CDK14: variants seen among roughly 807,000 people sequenced by gnomAD.
CDK14 encodes cyclin-dependent kinase 14.
A neutral mutation model predicts 60.7 loss-of-function variants in CDK14; 34 were observed. The ratio of observed to expected loss-of-function variants is 0.56; its 90% CI spans 0.43 to 0.75. The LOEUF is 0.75. CDK14 is among the 30% of genes least tolerant of loss of function. The pLI, the probability that CDK14 is intolerant of heterozygous loss-of-function variation, is 0.00. For missense variants in CDK14, 482 were observed against 564.1 expected, an observed-to-expected ratio of 0.85 and a Z score of 1.47; for synonymous variants, 197 against 203.7, an observed-to-expected ratio of 0.97 and a Z score of 0.28.
At chr7:90,754,890 A>C (rs981642966) in intron 4 of CDK14, among the ~76,000 whole-genome samples, 3 of 152,212 alleles carry the variant, frequency 2.0e-5, no homozygotes, top group Non-Finnish European at 4.4e-5. Context: ...TAATCATCAG[A>C]AAAATACAAA....
chr7:90,750,153 A>AACACACACACACAC (rs3138824), intron 4 of CDK14, among the ~76,000 whole-genome samples: 5 of 131,322 alleles, frequency 3.8e-5, no homozygotes, highest in African/African-American at 1.5e-4. Context: ...GGGGAAAGAA[A>AACACACACACACAC]ACACACACAC....
intron 8 of CDK14, among the ~76,000 whole-genome samples, chr7:90,930,060 A>T (rs1387861540): frequency 6.6e-6 from 1 of 152,194 alleles, no homozygotes; most frequent in East Asian, 1.9e-4. Context: ...TTAGTTTATA[A>T]GAAAACAGTG....
intron 4 of CDK14, among the ~76,000 whole-genome samples, chr7:90,761,988 T>G (rs990646571): frequency 2.0e-5 from 3 of 152,188 alleles, no homozygotes; most frequent in African/African-American, 7.2e-5. Context: ...AGACAGAATC[T>G]GTAATTGTAA....
rs142952105 is a variant in CDK14 at position 91,080,386 on chromosome 7, A to G, written c.1154+906A>G. ...GGCGAGGAACTCATGAAATGAATAC[A>G]TTAAATTCTGCGGTAGTTTACTTTA... On this transcript the variant is annotated intron_variant, in intron 12 of 14. Transcript: ENST00000380050. Among the ~76,000 whole-genome samples the G allele has an allele frequency of 7.9e-5, 12 of 152,370 alleles. No individual in the cohort carries two copies. In the East Asian group the frequency reaches 2.1e-3, roughly 27 times the overall value.
intron 5 of CDK14, among the ~76,000 whole-genome samples, chr7:90,808,083 G>A (rs1409584862): frequency 6.6e-6 from 1 of 152,158 alleles, no homozygotes; most frequent in Non-Finnish European, 1.5e-5. Context: ...TAGCAAGGCA[G>A]GCCAACGTTC....
At chr7:91,010,838 TCC>T (rs1562867335) in intron 10 of CDK14, among the ~76,000 whole-genome samples, 62 of 103,652 alleles carry the variant, frequency 6.0e-4, no homozygotes, top group African/African-American at 2.3e-3. Context: ...CCTTCCTCCC[TCC>T]CTCCCTCCCT....
chr7:91,183,683 C>T (rs1018572700), intron 14 of CDK14, among the ~76,000 whole-genome samples: 1 of 152,206 alleles, frequency 6.6e-6, no homozygotes, highest in South Asian at 2.1e-4. Context: ...GAGATCTGAA[C>T]TGACACCTTA....
chr7:90,775,549 A>G (rs1747276490), intron 4 of CDK14, among the ~76,000 whole-genome samples: 1 of 151,998 alleles, frequency 6.6e-6, no homozygotes, highest in Non-Finnish European at 1.5e-5. Flanking sequence ...AGGTTTTTCA[A>G]AGACCTCAGT....
intron 13 of CDK14, among the ~76,000 whole-genome samples, chr7:91,116,744 A>G (rs754441705): frequency 6.6e-6 from 1 of 152,090 alleles, no homozygotes; most frequent in Non-Finnish European, 1.5e-5. Flanking sequence ...AAGATTCAAC[A>G]CAATTGACAA....
At chr7:90,642,956 A>G (rs1315835372) in intron 2 of CDK14, among the ~76,000 whole-genome samples, 1 of 152,210 alleles carries the variant, frequency 6.6e-6, no homozygotes, top group Non-Finnish European at 1.5e-5. Flanking sequence ...GATACTGGAG[A>G]CTGGAGATGC....
intron 6 of CDK14, among the ~76,000 whole-genome samples, chr7:90,873,690 C>T (rs1036026804): frequency 1.3e-5 from 2 of 151,988 alleles, no homozygotes; most frequent in African/African-American, 4.8e-5. Context: ...CAGTTTTTAC[C>T]TTCAACTTTC....
chr7:90,742,260 T>C (rs1309165402), intron 3 of CDK14, among the ~76,000 whole-genome samples: 1 of 152,168 alleles, frequency 6.6e-6, no homozygotes, highest in East Asian at 1.9e-4. Context: ...TTTAAATTTA[T>C]TCTGTTTATT....
intron 4 of CDK14, among the ~76,000 whole-genome samples, chr7:90,748,713 A>C (rs1298327735): frequency 6.6e-6 from 1 of 152,080 alleles, no homozygotes; most frequent in Non-Finnish European, 1.5e-5. Flanking sequence ...CTCCTGAGTA[A>C]CTGGGACTAC....
chr7:90,611,831 G>GTTTTTT (rs752667605), intron 2 of CDK14, among the ~76,000 whole-genome samples: 8 of 128,266 alleles, frequency 6.2e-5, no homozygotes, highest in East Asian at 2.2e-4. Flanking sequence ...ATCTTTGTGT[G>GTTTTTT]TTTTTTTTTT....
At chr7:90,783,379 T>C (rs1367646557) in intron 4 of CDK14, among the ~76,000 whole-genome samples, 1 of 152,182 alleles carries the variant, frequency 6.6e-6, no homozygotes, top group African/African-American at 2.4e-5. Context: ...GAGGTTTTAC[T>C]GAAGAACTAT....
At chr7:90,876,138 C>T (rs1791552867) in intron 6 of CDK14, among the ~76,000 whole-genome samples, 1 of 152,088 alleles carries the variant, frequency 6.6e-6, no homozygotes. Flanking sequence ...GTATCTGGGT[C>T]ATTATGAATT....
chr7:90,798,188 A>AT (rs10617120), intron 5 of CDK14, among the ~76,000 whole-genome samples: 33 of 147,046 alleles, frequency 2.2e-4, no homozygotes, highest in African/African-American at 4.8e-4. Flanking sequence ...CTTCTGAGTG[A>AT]TTTTTTTTTT....
intron 6 of CDK14, among the ~76,000 whole-genome samples, chr7:90,873,089 T>A (rs1164643038): frequency 2.6e-5 from 4 of 152,104 alleles, no homozygotes; most frequent in Non-Finnish European, 5.9e-5. Flanking sequence ...CCATATGTCT[T>A]AAGAAAACAA....
At chr7:91,195,268 A>G (rs969401958) in intron 14 of CDK14, among the ~76,000 whole-genome samples, 2 of 152,230 alleles carry the variant, frequency 1.3e-5, no homozygotes, top group Non-Finnish European at 2.9e-5. Context: ...ATTTGATAGT[A>G]TTTCGGAACT....
Sources: allele counts gnomAD v4.1 joint callset (sites outside exome capture counted in the v4.1 genomes callset), GRCh38; gene constraint gnomAD v4.1.1; transcripts MANE v1.5; gene names NCBI Gene and HGNC (gene_info 2026-07-23, HGNC 2026-07-21).